ZNF664: variants seen among roughly 807,000 people sequenced by gnomAD.
ZNF664 encodes zinc finger Organ of Corti 1.
In ZNF664, 10 loss-of-function variants were observed where a neutral mutation model predicts 18.2. That is an observed-to-expected ratio of 0.55 (90% CI 0.34 to 0.93). The LOEUF (loss-of-function observed/expected upper bound fraction) is 0.93. ZNF664 is among the 40% of genes least tolerant of loss of function. The probability of loss-of-function intolerance (pLI) is 0.02; values close to 1 mark genes in which losing one functional copy is unlikely to be tolerated. For synonymous variants in ZNF664, 119 were observed against 104.2 expected, an observed-to-expected ratio of 1.14 and a Z score of -0.86; for missense variants, 193 against 319.0, an observed-to-expected ratio of 0.61 and a Z score of 3.01.
chr12:123,994,763 G>C (rs1375178200), intron 3 of ZNF664, among the ~76,000 whole-genome samples: 1 of 152,138 alleles, frequency 6.6e-6, no homozygotes, highest in Non-Finnish European at 1.5e-5. Flanking sequence ...TTCGTACTCT[G>C]GTATGTTAAA....
At chr12:123,990,330 A>G (rs1268694463) in intron 3 of ZNF664, among the ~76,000 whole-genome samples, 1 of 152,204 alleles carries the variant, frequency 6.6e-6, no homozygotes, top group Non-Finnish European at 1.5e-5. Context: ...CAGAATCACA[A>G]ATCCATAACT....
rs1383256232 is a variant in ZNF664, at chr12:124,014,508, C to T, written c.*1578C>T. 6.0e-6 allele frequency: 1 copy of T among 167,062 alleles called. No individual in the cohort carries two copies. Among genetic ancestry groups the T allele is most frequent in the East Asian group, 1.9e-4 (1 of 5,196 alleles). The allele number at this position is 167,062 out of a possible 1,614,324, so 10.3% of individuals were successfully genotyped here. On this transcript the variant is annotated 3_prime_UTR_variant, in exon 5 of 5. Coordinates refer to ENST00000337815, the MANE Select transcript of ZNF664 (RefSeq NM_152437.3). Reference sequence around the variant, plus strand: ...CCCCAATGACAGGAACAAAAGCAACCAATTTTTAACTTTCTCTTCTCATTC... The same window carrying T: ...CCCCAATGACAGGAACAAAAGCAACTAATTTTTAACTTTCTCTTCTCATTC...
chr12:123,992,152 A>G (rs1331720912), intron 3 of ZNF664, among the ~76,000 whole-genome samples: 1 of 152,136 alleles, frequency 6.6e-6, no homozygotes, highest in African/African-American at 2.4e-5. Context: ...GGGTATAAGG[A>G]AGTATGCGGG....
chr12:123,997,690 G>A (rs1439868477), intron 3 of ZNF664: 3 of 152,142 alleles, frequency 2.0e-5, no homozygotes, highest in Non-Finnish European at 4.4e-5. Context: ...CAAAGACCCT[G>A]TTTCCAAATA....
intron 3 of ZNF664, among the ~76,000 whole-genome samples, chr12:124,007,793 A>T (rs1219990329): frequency 6.8e-6 from 1 of 146,922 alleles, no homozygotes; most frequent in Non-Finnish European, 1.5e-5. Flanking sequence ...TGCAATGGTT[A>T]CAATGATTTT....
chr12:123,984,001 A>C (rs1433937697), intron 2 of ZNF664, among the ~76,000 whole-genome samples: 1 of 152,180 alleles, frequency 6.6e-6, no homozygotes, highest in Non-Finnish European at 1.5e-5. Context: ...CTAACTCCTT[A>C]GTGTGAAGAG....
chr12:123,983,767 A>G (rs188307150), intron 2 of ZNF664, among the ~76,000 whole-genome samples: 307 of 152,372 alleles, frequency 2.0e-3, no homozygotes, highest in African/African-American at 7.0e-3. Flanking sequence ...CATTGATTCA[A>G]AGTACTCGGT....
intron 3 of ZNF664, among the ~76,000 whole-genome samples, chr12:124,010,165 A>G (rs1041373880): frequency 2.0e-5 from 3 of 152,232 alleles, no homozygotes; most frequent in African/African-American, 7.2e-5. Context: ...TTTTGTAGAT[A>G]TATGACCATT....
chr12:124,003,863 C>T (rs1321668769), intron 3 of ZNF664, among the ~76,000 whole-genome samples: 1 of 152,224 alleles, frequency 6.6e-6, no homozygotes, highest in African/African-American at 2.4e-5. Flanking sequence ...TTTAGGGGCA[C>T]TCCAGTGCCC....
In ZNF664 at chr12:123,973,962, G is replaced by A. The variant is rs1353994725; in HGVS notation, c.-815G>A. ...ACCCCTCGCGCACCCAGCGCAGAAG[G>A]CTGCTGCCGCCGGACGCCTCCATTG... On this transcript the variant is annotated 5_prime_UTR_variant, in exon 2 of 5. Coordinates refer to ENST00000337815, the MANE Select transcript of ZNF664 (RefSeq NM_152437.3). 2.4e-6 allele frequency: 3 copies of A among 1,231,810 alleles called. No individual in the cohort carries two copies. Among genetic ancestry groups the A allele is most frequent in the Admixed American group, 4.2e-5 (1 of 23,708 alleles). The allele number at this position is 1,231,810 out of a possible 1,614,324, so 76.3% of individuals were successfully genotyped here. A position where few individuals can be genotyped will look rare whatever the true frequency, so the allele number is the denominator to read the frequency against.
chr12:123,982,751 G>A (rs904640644), intron 2 of ZNF664, among the ~76,000 whole-genome samples: 4 of 152,242 alleles, frequency 2.6e-5, no homozygotes, highest in Non-Finnish European at 5.9e-5. Flanking sequence ...CTGGAAGTTA[G>A]AAAGTTTCAA....
At chr12:124,001,210 A>G (rs1487478165) in intron 3 of ZNF664, among the ~76,000 whole-genome samples, 1 of 152,196 alleles carries the variant, frequency 6.6e-6, no homozygotes. Context: ...GCTTTAGTCC[A>G]GATTATGATC....
intron 3 of ZNF664, chr12:123,998,530 G>A (rs1319598049): frequency 6.6e-6 from 1 of 152,446 alleles, no homozygotes; most frequent in Non-Finnish European, 1.5e-5. Context: ...CTGTATACAT[G>A]CTGTGCCTCC....
intron 3 of ZNF664, among the ~76,000 whole-genome samples, chr12:123,999,523 T>C (rs550969073): frequency 9.2e-5 from 14 of 152,218 alleles, no homozygotes; most frequent in Non-Finnish European, 1.3e-4. Context: ...AATAAGAAAA[T>C]AGGTAATTTT....
In ZNF664 at chr12:123,973,994, CACA is replaced by C. The variant is rs1482313192; in HGVS notation, c.-778_-776del. The C allele has an allele frequency of 9.7e-6, 12 of 1,231,996 alleles. No individual in the cohort carries two copies. Among genetic ancestry groups the C allele is most frequent in the Non-Finnish European group, 8.1e-6 (8 of 988,170 alleles). The allele number at this position is 1,231,996 out of a possible 1,614,324, so 76.3% of individuals were successfully genotyped here. On this transcript the variant is annotated 5_prime_UTR_variant, in exon 2 of 5. Coordinates refer to ENST00000337815, the MANE Select transcript of ZNF664 (RefSeq NM_152437.3). ...CCGCCGGACGCCTCCATTGTTTGACCACAACAAGGGCCGGATTCTCACCCAGGT... is the reference window on the plus strand; with the variant it reads ...CCGCCGGACGCCTCCATTGTTTGACCACAAGGGCCGGATTCTCACCCAGGT...
chr12:124,006,890 A>G (rs1957079236), intron 3 of ZNF664, among the ~76,000 whole-genome samples: 1 of 152,132 alleles, frequency 6.6e-6, no homozygotes, highest in African/African-American at 2.4e-5. Context: ...TAGGACGTTG[A>G]TTTTGAGACA....
At chr12:124,000,235 A>G (rs1956995735) in intron 3 of ZNF664, among the ~76,000 whole-genome samples, 1 of 151,926 alleles carries the variant, frequency 6.6e-6, no homozygotes, top group Non-Finnish European at 1.5e-5. Context: ...ACCATCTCAC[A>G]CCACCTCTGT....
intron 3 of ZNF664, among the ~76,000 whole-genome samples, chr12:123,993,840 T>G (rs1956915969): frequency 6.6e-6 from 1 of 152,198 alleles, no homozygotes; most frequent in African/African-American, 2.4e-5. Context: ...CCTGATCATT[T>G]TTGAGGAGGA....
At chr12:123,992,476 G>C (rs1327115102) in intron 3 of ZNF664, among the ~76,000 whole-genome samples, 1 of 152,196 alleles carries the variant, frequency 6.6e-6, no homozygotes, top group African/African-American at 2.4e-5. Flanking sequence ...GGAGAATCCT[G>C]CTCAGAGTCA....
Sources: allele counts gnomAD v4.1 joint callset (sites outside exome capture counted in the v4.1 genomes callset), GRCh38; gene constraint gnomAD v4.1.1; transcripts MANE v1.5; gene names NCBI Gene and HGNC (gene_info 2026-07-23, HGNC 2026-07-21).